Variants in HCN1 observed in about 807,000 individuals in gnomAD.
HCN1 encodes hyperpolarization activated cyclic nucleotide gated potassium channel 1.
Under a neutral mutation model 78.9 loss-of-function variants are expected in HCN1, and 13 were observed. That is an observed-to-expected ratio of 0.16 (90% CI 0.11 to 0.26). HCN1 has a LOEUF of 0.26. HCN1 is among the 10% of genes least tolerant of loss of function. HCN1 has a pLI of 1.00. For synonymous variants in HCN1, 552 were observed against 455.5 expected, an observed-to-expected ratio of 1.21 and a Z score of -2.70; for missense variants, 810 against 1,154.3, an observed-to-expected ratio of 0.70 and a Z score of 4.32.
At chr5:45,687,056 T>C (rs1417078062) in intron 1 of HCN1, among the ~76,000 whole-genome samples, 1 of 152,244 alleles carries the variant, frequency 6.6e-6, no homozygotes, top group Non-Finnish European at 1.5e-5. Context: ...TGGCAAGGTA[T>C]GGATTTCTTA....
rs1158482085 is a variant in HCN1, at chr5:45,329,190, CCTCA to C, written c.1377+23906_1377+23909del. On this transcript the variant is annotated intron_variant, in intron 5 of 7. Coordinates refer to ENST00000303230, the MANE Select transcript of HCN1 (RefSeq NM_021072.4). ...TGTCAGTACATTCACTATGTAATAT[CCTCA>C]CTATCTATACCTAAGCCTTTTTCAT... Among the ~76,000 whole-genome samples, 4 of 151,332 alleles carry C rather than the reference CCTCA, an allele frequency of 2.6e-5. No homozygotes were observed. In the Admixed American group the frequency reaches 2.6e-4, roughly 10 times the overall value.
intron 2 of HCN1, among the ~76,000 whole-genome samples, chr5:45,612,811 T>C (rs531634916): frequency 2.0e-4 from 31 of 152,216 alleles, no homozygotes; most frequent in African/African-American, 7.0e-4. Context: ...GGAAATGACC[T>C]CACAAGGAGA....
At chr5:45,672,273 A>T (rs1746165628) in intron 1 of HCN1, among the ~76,000 whole-genome samples, 1 of 151,622 alleles carries the variant, frequency 6.6e-6, no homozygotes, top group Non-Finnish European at 1.5e-5. Flanking sequence ...ATTTATGCAG[A>T]AAATACTAGA....
chr5:45,446,542 C>A (rs1396355443), intron 3 of HCN1, among the ~76,000 whole-genome samples: 1 of 152,106 alleles, frequency 6.6e-6, no homozygotes, highest in African/African-American at 2.4e-5. Flanking sequence ...GAGAACGCCA[C>A]AAAGATACTC....
At chr5:45,501,594 C>T (rs920526278) in intron 2 of HCN1, among the ~76,000 whole-genome samples, 2 of 152,052 alleles carry the variant, frequency 1.3e-5, no homozygotes, top group Admixed American at 6.6e-5. Context: ...GCACCCGCCA[C>T]CACGCCCGGT....
chr5:45,534,689 G>T (rs979210679), intron 2 of HCN1, among the ~76,000 whole-genome samples: 3 of 151,572 alleles, frequency 2.0e-5, no homozygotes. Context: ...TAAACATTAG[G>T]CTCATCTTGT....
In HCN1 at chr5:45,459,768, A is replaced by G. The variant is rs143081064; in HGVS notation, c.1011+2078T>C. ...ATGTAAAATAATAATTTTTTACCAA[A>G]TTAAATATTGGTTGGTGCCAATGAA... On this transcript the variant is annotated intron_variant, in intron 3 of 7. Transcript: ENST00000303230. Among the ~76,000 whole-genome samples the G allele has an allele frequency of 1.7e-3, 263 of 152,222 alleles. 1 individual carries two copies. The highest frequency in any genetic ancestry group is 6.1e-3 in the African/African-American group (254 of 41,550).
At position 45,386,123 on chromosome 5, in the gene HCN1, A is replaced by G. The variant is rs537604076; in HGVS notation, c.1230+10369T>C. Among the ~76,000 whole-genome samples, 7 of 152,108 alleles carry G rather than the reference A, an allele frequency of 4.6e-5. No individual in the cohort carries two copies. In the South Asian group the frequency reaches 1.5e-3, roughly 32 times the overall value. Reference sequence around the variant, plus strand: ...GCAGTGGGGACATTTCAGTTGCTGAATATTATACTTATTGTACTTACCATT... The same window carrying G: ...GCAGTGGGGACATTTCAGTTGCTGAGTATTATACTTATTGTACTTACCATT... On this transcript the variant is annotated intron_variant, in intron 4 of 7. Coordinates refer to ENST00000303230, the MANE Select transcript of HCN1 (RefSeq NM_021072.4).
intron 7 of HCN1, among the ~76,000 whole-genome samples, chr5:45,263,112 G>A (rs2111840649): frequency 6.6e-6 from 1 of 152,276 alleles, no homozygotes; most frequent in South Asian, 2.1e-4. Flanking sequence ...GGGGAAGAAA[G>A]GGCTTTTGGA....
intron 2 of HCN1, among the ~76,000 whole-genome samples, chr5:45,634,898 A>T (rs892285457): frequency 2.0e-5 from 3 of 152,098 alleles, no homozygotes; most frequent in Non-Finnish European, 2.9e-5. Context: ...TCCAAAATGA[A>T]TATTTTCACA....
chr5:45,411,298 C>A (rs1740015911), intron 3 of HCN1, among the ~76,000 whole-genome samples: 1 of 151,938 alleles, frequency 6.6e-6, no homozygotes, highest in Non-Finnish European at 1.5e-5. Flanking sequence ...AGCAAACAAG[C>A]ACAGAGAAAA....
At chr5:45,324,187 G>A (rs1421449063) in intron 5 of HCN1, among the ~76,000 whole-genome samples, 3 of 151,870 alleles carry the variant, frequency 2.0e-5, no homozygotes, top group Admixed American at 6.6e-5. Flanking sequence ...CTTCTGCACA[G>A]CAAAAGAAAC....
chr5:45,540,730 C>A (rs554471898), intron 2 of HCN1, among the ~76,000 whole-genome samples: 14 of 152,124 alleles, frequency 9.2e-5, no homozygotes, highest in African/African-American at 3.1e-4. Flanking sequence ...TTGCATTTTT[C>A]TAATGGCATT....
At chr5:45,492,641 C>G (rs1304860506) in intron 2 of HCN1, among the ~76,000 whole-genome samples, 1 of 149,526 alleles carries the variant, frequency 6.7e-6, no homozygotes, top group Non-Finnish European at 1.5e-5. Context: ...ACTGGGGCTA[C>G]AGGCTCGCCC....
At chr5:45,580,378 A>G (rs2111919380) in intron 2 of HCN1, among the ~76,000 whole-genome samples, 1 of 152,144 alleles carries the variant, frequency 6.6e-6, no homozygotes, top group Admixed American at 6.6e-5. Context: ...GTCACAAGCC[A>G]AGGAATGTGG....
At chr5:45,517,878 C>A (rs1742542828) in intron 2 of HCN1, among the ~76,000 whole-genome samples, 1 of 151,988 alleles carries the variant, frequency 6.6e-6, no homozygotes, top group Admixed American at 6.6e-5. Context: ...TATCTTTGGG[C>A]TTCTCTTTAT....
chr5:45,317,919 G>T (rs1299293780), intron 5 of HCN1, among the ~76,000 whole-genome samples: 1 of 152,096 alleles, frequency 6.6e-6, no homozygotes, highest in Non-Finnish European at 1.5e-5. Context: ...GAAACAACAG[G>T]TGCTGGAGAG....
chr5:45,431,902 G>A (rs112042458), intron 3 of HCN1, among the ~76,000 whole-genome samples: 8,189 of 152,130 alleles, frequency 0.054, 303 homozygotes, highest in East Asian at 0.14. Context: ...GCTTAGGATT[G>A]CCTTGGCTAT....
chr5:45,408,974 T>A (rs1422204310), intron 3 of HCN1, among the ~76,000 whole-genome samples: 1 of 152,114 alleles, frequency 6.6e-6, no homozygotes, highest in Non-Finnish European at 1.5e-5. Flanking sequence ...ATGTCGGTTA[T>A]CAGATCATAA....
Sources: gnomAD v4.1 joint callset for allele counts (sites outside exome capture counted in the v4.1 genomes callset) on GRCh38, gnomAD v4.1.1 for gene constraint, MANE v1.5 for transcripts, NCBI Gene and HGNC (gene_info 2026-07-23, HGNC 2026-07-21) for gene names.